Variants in RB1 observed in about 807,000 individuals in gnomAD.
RB1 encodes retinoblastoma-associated protein.
RB1 carries 18 observed loss-of-function variants against 135.4 expected under a neutral mutation model. The observed-to-expected ratio is 0.13, with a 90% CI of 0.09 to 0.20. The LOEUF (loss-of-function observed/expected upper bound fraction) is 0.20, where lower values mean the gene tolerates loss of function less well. Ranked by LOEUF, RB1 falls within the 10% of genes least tolerant of loss-of-function variation. RB1 has a pLI of 1.00. For missense variants in RB1, 868 were observed against 1,110.0 expected, an observed-to-expected ratio of 0.78 and a Z score of 3.10; for synonymous variants, 365 against 373.2, an observed-to-expected ratio of 0.98 and a Z score of 0.25.
At chr13:48,321,320 A>G (rs1445193907) in intron 2 of RB1, among the ~76,000 whole-genome samples, 1 of 147,708 alleles carries the variant, frequency 6.8e-6, no homozygotes, top group Non-Finnish European at 1.5e-5. Flanking sequence ...TTCACTTAGC[A>G]TAATGGTCTC....
chr13:48,425,450 A>G (rs1949066113), intron 17 of RB1, among the ~76,000 whole-genome samples: 1 of 152,244 alleles, frequency 6.6e-6, no homozygotes, highest in South Asian at 2.1e-4. Flanking sequence ...ATAAAACCTT[A>G]GTTGGGTAAG....
At chr13:48,450,094 ATT>A (rs386379116) in intron 17 of RB1, among the ~76,000 whole-genome samples, 10 of 117,718 alleles carry the variant, frequency 8.5e-5, no homozygotes, top group East Asian at 4.5e-4. Flanking sequence ...ATATATATAT[ATT>A]TTTTTTTTTT....
intron 17 of RB1, among the ~76,000 whole-genome samples, chr13:48,389,173 A>G (rs1241247216): frequency 6.6e-6 from 1 of 152,044 alleles, no homozygotes; most frequent in Non-Finnish European, 1.5e-5. Context: ...ATAAAATAAA[A>G]TAAAATTAAA....
chr13:48,348,862 G>A (rs1952521340), intron 5 of RB1, 94 bp from the exon 6 acceptor site: 2 of 1,414,440 alleles, frequency 1.4e-6, no homozygotes, highest in Non-Finnish European at 1.9e-6. Flanking sequence ...TTTTTTTAAT[G>A]CACAAAAAGA....
intron 2 of RB1, chr13:48,317,651 C>T (rs1015030447): frequency 1.8e-5 from 9 of 506,356 alleles, no homozygotes; most frequent in South Asian, 2.4e-5. Context: ...AGCCCCTTGG[C>T]GGAGACACTG....
rs548160120 is a variant in RB1 at position 48,358,024 on chromosome 13, A to T, written c.608-1993A>T. ...TGTAAAGGGAAAGTGTAATCCCCCA[A>T]TGGGTTCTTCCTGCTGGCTGCACAG... On this transcript the variant is annotated intron_variant, in intron 6 of 26. Coordinates refer to ENST00000267163, the MANE Select transcript of RB1 (RefSeq NM_000321.3). Among the ~76,000 whole-genome samples the T allele has an allele frequency of 1.3e-5, 2 of 152,084 alleles. 1 individual carries two copies. Among genetic ancestry groups the T allele is most frequent in the African/African-American group, 4.8e-5 (2 of 41,424 alleles).
chr13:48,318,452 C>T, intron 2 of RB1: 1 of 1,418,472 alleles, frequency 7.0e-7, no homozygotes. Flanking sequence ...CTTCGGAGCT[C>T]TCCTTCTCGT....
intron 21 of RB1, 76 bp downstream of exon 21, chr13:48,463,911 A>C: frequency 1.7e-5 from 15 of 888,874 alleles, no homozygotes; most frequent in South Asian, 4.1e-5. Context: ...ATTTGATCTC[A>C]TTTATTCATT....
chr13:48,322,235 C>G (rs1212176359), intron 2 of RB1, among the ~76,000 whole-genome samples: 1 of 152,154 alleles, frequency 6.6e-6, no homozygotes, highest in Admixed American at 6.5e-5. Flanking sequence ...GACAGGATCA[C>G]CTTTCTTTTT....
intron 6 of RB1, among the ~76,000 whole-genome samples, chr13:48,353,991 G>A (rs1331801673): frequency 6.6e-6 from 1 of 152,086 alleles, no homozygotes; most frequent in Non-Finnish European, 1.5e-5. Context: ...AATACTTAAT[G>A]GGGAAAAATT....
At chr13:48,346,551 T>A (rs1952500515) in intron 4 of RB1, among the ~76,000 whole-genome samples, 1 of 150,350 alleles carries the variant, frequency 6.7e-6, no homozygotes, top group Admixed American at 6.7e-5. Context: ...GTTTTTTTGG[T>A]ACAATATTAT....
intron 6 of RB1, among the ~76,000 whole-genome samples, chr13:48,358,052 A>T (rs1235307822): frequency 1.3e-5 from 2 of 152,146 alleles, no homozygotes; most frequent in African/African-American, 2.4e-5. Flanking sequence ...CTGCACAGAC[A>T]AAATCAATCC....
At chr13:48,366,223 G>T (rs1952696213) in intron 9 of RB1, among the ~76,000 whole-genome samples, 1 of 152,108 alleles carries the variant, frequency 6.6e-6, no homozygotes, top group South Asian at 2.1e-4. Flanking sequence ...TTTAAAATCT[G>T]TTGTAGCAAT....
intron 24 of RB1, among the ~76,000 whole-genome samples, chr13:48,474,265 A>T (rs778241633): frequency 6.6e-6 from 1 of 152,114 alleles, no homozygotes; most frequent in Non-Finnish European, 1.5e-5. Context: ...GGTGGGGCTG[A>T]AAGTTCCAAG....
intron 17 of RB1, among the ~76,000 whole-genome samples, chr13:48,446,647 T>C (rs1026213857): frequency 7.2e-5 from 11 of 152,028 alleles, no homozygotes; most frequent in African/African-American, 2.7e-4. Context: ...ATGTGAATAA[T>C]GGAGTGGGGT....
At chr13:48,411,943 C>T (rs1566212050) in intron 17 of RB1, 1 of 1,612,396 alleles carries the variant, frequency 6.2e-7, no homozygotes, top group Non-Finnish European at 8.5e-7. Flanking sequence ...GCATTGTTAC[C>T]CTGAGAGTGG....
chr13:48,382,515 C>T (rs1948543774), intron 17 of RB1, among the ~76,000 whole-genome samples: 1 of 152,144 alleles, frequency 6.6e-6, no homozygotes, highest in Admixed American at 6.5e-5. Flanking sequence ...AGTGTCTGTT[C>T]ATATCTTTCA....
chr13:48,409,540 CTTT>C (rs1948771657), intron 17 of RB1, among the ~76,000 whole-genome samples: 1 of 98,118 alleles, frequency 1.0e-5, no homozygotes, highest in Admixed American at 9.4e-5. Context: ...AGAAGGCATT[CTTT>C]TTTAGTTAAC....
chr13:48,367,188 A>C (rs1337644873), intron 9 of RB1, among the ~76,000 whole-genome samples: 1 of 151,868 alleles, frequency 6.6e-6, no homozygotes, highest in East Asian at 1.9e-4. Flanking sequence ...TGGCAGTTAA[A>C]CAGTTATTAT....
Sources: allele counts gnomAD v4.1 joint callset (sites outside exome capture counted in the v4.1 genomes callset), GRCh38; gene constraint gnomAD v4.1.1; transcripts MANE v1.5; gene names NCBI Gene and HGNC (gene_info 2026-07-23, HGNC 2026-07-21).